Variants in MS4A8 observed in about 807,000 individuals in gnomAD.
The protein encoded by MS4A8 is membrane spanning 4-domains A8.
A neutral mutation model predicts 23.7 loss-of-function variants in MS4A8; 27 were observed. The observed-to-expected ratio is 1.14, with a 90% CI of 0.84 to 1.57. The LOEUF is 1.57. Among genes scored for constraint, MS4A8 ranks in the 40% most tolerant of loss-of-function variants. MS4A8 has a pLI of 0.00. For synonymous variants in MS4A8, 138 were observed against 126.3 expected (o/e 1.09, Z -0.62); for missense variants, 301 against 311.4 (o/e 0.97, Z 0.25).
rs1024541397 is a variant in MS4A8, at chr11:60,699,654, A to T, written c.-123A>T. The T allele has an allele frequency of 2.0e-5, 3 of 152,188 alleles. No homozygotes were observed. Among genetic ancestry groups the T allele is most frequent in the Admixed American group, 2.0e-4 (3 of 15,274 alleles). 9.4% of individuals were successfully genotyped at this position (152,188 alleles called of 1,614,324 possible). A position where few individuals can be genotyped will look rare whatever the true frequency, so the allele number is the denominator to read the frequency against. ...GCATCCAGGAAATAGAGGACTTCGG[A>T]TCCTTCTAACCCTACCACCCAACTG... On this transcript the variant is annotated 5_prime_UTR_variant, in exon 1 of 7. Transcript: ENST00000300226.
At chr11:60,713,385 G>A (rs745443743) in intron 5 of MS4A8, among the ~76,000 whole-genome samples, 1 of 152,110 alleles carries the variant, frequency 6.6e-6, no homozygotes, top group Non-Finnish European at 1.5e-5. Flanking sequence ...ATTGGGCATG[G>A]GTAATAGGAT....
intron 3 of MS4A8, among the ~76,000 whole-genome samples, chr11:60,706,000 C>A (rs1156666343): frequency 1.4e-4 from 21 of 152,150 alleles, no homozygotes; most frequent in Admixed American, 1.4e-3. Context: ...AGTACTTCAT[C>A]TGTTGGGGGG....
At chr11:60,703,087 G>T in intron 2 of MS4A8, 2 of 230,162 alleles carry the variant, frequency 8.7e-6, no homozygotes, top group African/African-American at 2.3e-5. Flanking sequence ...AATACTTAAT[G>T]CCATGAGGAC....
At chr11:60,711,844 G>A (rs754468521) in intron 5 of MS4A8, 11 of 456,034 alleles carry the variant, frequency 2.4e-5, no homozygotes, top group South Asian at 1.7e-4. Flanking sequence ...GCCAATGATT[G>A]ATCTTGGAAT....
rs764875171 is a variant in MS4A8 at position 60,708,782 on chromosome 11, G to T, written c.534+1G>T. The T allele has an allele frequency of 9.3e-6, 15 of 1,613,952 alleles. No individual in the cohort carries two copies. Among genetic ancestry groups the T allele is most frequent in the Non-Finnish European group, 1.2e-5 (14 of 1,179,868 alleles). ...CTATTATCCTTACGCCTGGGGTGTG[G>T]TGAGTATCCCTCTCAACCAAAGATC... is the stretch of plus-strand genomic sequence containing the variant. On this transcript the variant is annotated splice_donor_variant, in intron 5 of 6. Transcript: ENST00000300226. LOFTEE classifies it high-confidence loss of function.
chr11:60,712,720 G>A (rs1252857905), intron 5 of MS4A8, among the ~76,000 whole-genome samples: 1 of 151,962 alleles, frequency 6.6e-6, no homozygotes, highest in Non-Finnish European at 1.5e-5. Context: ...CTTCAACCCA[G>A]GAGGCGGAGC....
chr11:60,714,384 G>A (rs76076181), intron 5 of MS4A8, among the ~76,000 whole-genome samples: 1 of 152,160 alleles, frequency 6.6e-6, no homozygotes, highest in Non-Finnish European at 1.5e-5. Context: ...CGAGGCAGAA[G>A]AATTTTTCTT....
intron 5 of MS4A8, among the ~76,000 whole-genome samples, chr11:60,710,141 T>A (rs2088288410): frequency 6.6e-6 from 1 of 152,232 alleles, no homozygotes; most frequent in Non-Finnish European, 1.5e-5. Context: ...TCCCAATCTC[T>A]TAGGCTCAAT....
At chr11:60,705,311 A>G (rs1245146226) in intron 3 of MS4A8, among the ~76,000 whole-genome samples, 1 of 152,138 alleles carries the variant, frequency 6.6e-6, no homozygotes, top group East Asian at 1.9e-4. Flanking sequence ...AATGCCTACC[A>G]CGGAGCACTG....
At chr11:60,702,436 T>C (rs2088213173) in intron 2 of MS4A8, among the ~76,000 whole-genome samples, 1 of 152,260 alleles carries the variant, frequency 6.6e-6, no homozygotes, top group South Asian at 2.1e-4. Flanking sequence ...AGAGTCTCAC[T>C]CTGTCACCCA....
At chr11:60,709,061 G>A (rs1286202140) in intron 5 of MS4A8, 7 of 364,814 alleles carry the variant, frequency 1.9e-5, no homozygotes, top group Non-Finnish European at 3.1e-5. Context: ...CCACCAACCA[G>A]CACCTCTCCT....
intron 5 of MS4A8, chr11:60,709,003 G>A (rs557337981): frequency 4.1e-6 from 2 of 486,384 alleles, no homozygotes; most frequent in Admixed American, 7.0e-5. Flanking sequence ...CTACCTTGTG[G>A]CAATGTTGAG....
intron 5 of MS4A8, among the ~76,000 whole-genome samples, chr11:60,714,111 A>T (rs2134663364): frequency 6.9e-6 from 1 of 144,906 alleles, no homozygotes; most frequent in Non-Finnish European, 1.5e-5. Context: ...TTTTTAGTAG[A>T]GACAGGGTTT....
At chr11:60,702,508 T>C (rs191100740) in intron 2 of MS4A8, among the ~76,000 whole-genome samples, 1 of 152,330 alleles carries the variant, frequency 6.6e-6, no homozygotes, top group Admixed American at 6.5e-5. Flanking sequence ...GTTTAAGCGA[T>C]TCTCCCGCCT....
Position 60,704,867 on chromosome 11 carries a change from T to C in MS4A8, c.342+1367T>C, listed in dbSNP as rs200544713. Among the ~76,000 whole-genome samples, 833 of 131,776 alleles carry C rather than the reference T, an allele frequency of 6.3e-3. 10 individuals carry two copies. Among genetic ancestry groups the C allele is most frequent in the African/African-American group, 0.022 (750 of 34,430 alleles). The allele number at this position is 131,776 out of a possible 152,430, so 86.5% of individuals were successfully genotyped here. ...ACACACACATACAAACAAACACACA[T>C]ACACACACACACACATACACACACA... On this transcript the variant is annotated intron_variant, in intron 3 of 6. Coordinates refer to ENST00000300226, the MANE Select transcript of MS4A8 (RefSeq NM_031457.2).
chr11:60,712,270 G>A lies in MS4A8; in HGVS notation c.535-2751G>A, dbSNP rs555595454. On this transcript the variant is annotated intron_variant, in intron 5 of 6. Transcript: ENST00000300226. ...CTCTGGGATACCTTTTTGCTGTTCTGTAGCTCTTACCCTATCTGATGTGAA... is the reference window on the plus strand; with the variant it reads ...CTCTGGGATACCTTTTTGCTGTTCTATAGCTCTTACCCTATCTGATGTGAA... The A allele has an allele frequency of 8.3e-6, 8 of 960,590 alleles. No homozygotes were observed. The African/African-American group carries it at 1.1e-4, about 13-fold the overall frequency. 59.5% of individuals were successfully genotyped at this position (960,590 alleles called of 1,614,324 possible).
chr11:60,704,342 A>G (rs1452635944), intron 3 of MS4A8, among the ~76,000 whole-genome samples: 1 of 151,888 alleles, frequency 6.6e-6, no homozygotes, highest in Non-Finnish European at 1.5e-5. Context: ...GCTGGTCTCA[A>G]ACTCCTGACC....
chr11:60,704,160 G>A (rs896876552), intron 3 of MS4A8, among the ~76,000 whole-genome samples: 8 of 130,124 alleles, frequency 6.1e-5, no homozygotes, highest in Non-Finnish European at 9.2e-5. Context: ...TCACTCTGTC[G>A]CCCAAGCTGG....
rs1486982433 is a variant in MS4A8, at chr11:60,701,011, C to T, written c.151C>T (p.Pro51Ser). 1 of 1,614,174 alleles carries T rather than the reference C, an allele frequency of 6.2e-7. No homozygotes were observed. Among genetic ancestry groups the T allele is most frequent in the East Asian group, 2.2e-5 (1 of 44,882 alleles). The change falls in exon 2 of 7, where the codon CCT becomes TCT. Residue 51 changes from proline (P) to serine (S), a missense_variant. Physicochemically the swap from Pro to Ser is moderately conservative, Grantham distance 74 (BLOSUM62 -1). Coordinates refer to ENST00000300226, the MANE Select transcript of MS4A8 (RefSeq NM_031457.2). ...PQVHLVPGNP[P>S]SLVSNVNGQP... ...AGTCCACCTAGTTCCTGGGAACCCA[C>T]CTAGTTTGGTGTCGAATGTGAATGG...
Sources: allele counts gnomAD v4.1 joint callset (sites outside exome capture counted in the v4.1 genomes callset), GRCh38; gene constraint gnomAD v4.1.1; transcripts MANE v1.5; gene names NCBI Gene and HGNC (gene_info 2026-07-23, HGNC 2026-07-21).